PRKCH: variants seen among roughly 807,000 people sequenced by gnomAD.
The protein encoded by PRKCH is protein kinase C eta type.
A neutral mutation model predicts 82.5 loss-of-function variants in PRKCH; 28 were observed. The observed-to-expected ratio is 0.34, with a 90% confidence interval of 0.25 to 0.47. The LOEUF (loss-of-function observed/expected upper bound fraction) is 0.47, where lower values mean the gene tolerates loss of function less well. Among genes scored for constraint, PRKCH ranks in the 20% least tolerant of loss-of-function variants. The pLI, the probability that PRKCH is intolerant of heterozygous loss-of-function variation, is 1.00. For synonymous variants in PRKCH, 322 were observed against 327.4 expected, an observed-to-expected ratio of 0.98 and a Z score of 0.18; for missense variants, 705 against 881.8, an observed-to-expected ratio of 0.80 and a Z score of 2.54.
At chr14:61,253,443 G>A (rs1200438600) in intron 1 of PRKCH, among the ~76,000 whole-genome samples, 3 of 149,838 alleles carry the variant, frequency 2.0e-5, no homozygotes, top group African/African-American at 7.4e-5. Flanking sequence ...AGCATTCAAA[G>A]AAAACTTGGC....
In PRKCH at chr14:61,403,735, G is replaced by A. The variant is rs1486238281; in HGVS notation, c.427+12447G>A. 4.6e-5 allele frequency among the ~76,000 whole-genome samples: 7 copies of A among 152,282 alleles called. No homozygotes were observed. In the East Asian group the frequency reaches 1.2e-3, roughly 25 times the overall value. On this transcript the variant is annotated intron_variant, in intron 2 of 13. Coordinates refer to ENST00000332981, the MANE Select transcript of PRKCH (RefSeq NM_006255.5). ...AAGATCCATGGACAGAGCCTCAGGA[G>A]ACACATTTCTATGGCACTCGCTTAC...
intron 12 of PRKCH, chr14:61,543,777 A>G (rs1212221146): frequency 6.6e-6 from 1 of 152,224 alleles, no homozygotes; most frequent in Admixed American, 6.5e-5. Flanking sequence ...GTTTTCTGCA[A>G]AAGGATTATG....
chr14:61,231,674 A>G (rs568227939), intron 1 of PRKCH, among the ~76,000 whole-genome samples: 29 of 152,040 alleles, frequency 1.9e-4, no homozygotes, highest in Non-Finnish European at 3.8e-4. Context: ...GGCCGGCTGA[A>G]TCTTTATTTT....
upstream of PRKCH, among the ~76,000 whole-genome samples, chr14:61,318,179 T>C (rs1484343675): frequency 6.6e-6 from 1 of 151,930 alleles, no homozygotes; most frequent in Non-Finnish European, 1.5e-5. Context: ...GCTCAAGTGA[T>C]CCTCCTGCCT....
At chr14:61,465,292 A>G (rs1295055200) in intron 9 of PRKCH, among the ~76,000 whole-genome samples, 2 of 152,198 alleles carry the variant, frequency 1.3e-5, no homozygotes, top group East Asian at 1.9e-4. Flanking sequence ...TTAAAAAGCC[A>G]TTGCCTATGC....
chr14:61,453,174 T>G (rs1884591807), intron 6 of PRKCH, 52 bp from the exon 7 acceptor site: 5 of 1,607,394 alleles, frequency 3.1e-6, no homozygotes, highest in South Asian at 2.2e-5. Context: ...TTGCAGCACA[T>G]GTTGAATTGG....
chr14:61,426,850 T>C (rs906829794), intron 2 of PRKCH, among the ~76,000 whole-genome samples: 1 of 152,230 alleles, frequency 6.6e-6, no homozygotes, highest in Non-Finnish European at 1.5e-5. Flanking sequence ...TCTCATAATT[T>C]ACTGCTTCAG....
At chr14:61,385,777 C>T (rs2046578624) in intron 1 of PRKCH, among the ~76,000 whole-genome samples, 1 of 152,164 alleles carries the variant, frequency 6.6e-6, no homozygotes, top group Non-Finnish European at 1.5e-5. Flanking sequence ...ATTTGTTCCA[C>T]AAACCATTTT....
chr14:61,414,870 C>T (rs1882473231), intron 2 of PRKCH, among the ~76,000 whole-genome samples: 1 of 152,206 alleles, frequency 6.6e-6, no homozygotes, highest in Non-Finnish European at 1.5e-5. Context: ...CATTCCCCCT[C>T]TGCCAAGCAC....
chr14:61,417,711 A>G (rs926151162), intron 2 of PRKCH, among the ~76,000 whole-genome samples: 1 of 152,198 alleles, frequency 6.6e-6, no homozygotes, highest in African/African-American at 2.4e-5. Flanking sequence ...AGTCTTAGAC[A>G]CACAGCTTGG....
chr14:61,232,933 A>AT (rs2044756250), intron 1 of PRKCH, among the ~76,000 whole-genome samples: 2 of 152,176 alleles, frequency 1.3e-5, no homozygotes, highest in Admixed American at 6.5e-5. Flanking sequence ...AATTCCAAGG[A>AT]TTTTAAAAGT....
chr14:61,421,839 C>G (rs990808465), intron 2 of PRKCH, among the ~76,000 whole-genome samples: 1 of 152,148 alleles, frequency 6.6e-6, no homozygotes, highest in East Asian at 1.9e-4. Context: ...GTAAGGAGGG[C>G]ACCAAGCCTT....
At chr14:61,379,543 A>G (rs1027830751) in intron 1 of PRKCH, among the ~76,000 whole-genome samples, 1 of 152,160 alleles carries the variant, frequency 6.6e-6, no homozygotes, top group Non-Finnish European at 1.5e-5. Context: ...TTCCTCCATT[A>G]CAATGGATGA....
At chr14:61,237,491 C>G (rs1486270060) in intron 1 of PRKCH, among the ~76,000 whole-genome samples, 2 of 152,148 alleles carry the variant, frequency 1.3e-5, no homozygotes, top group African/African-American at 4.8e-5. Context: ...CTTTTTAAGT[C>G]TGACAAGAAA....
Position 61,443,261 on chromosome 14 carries a change from GGT to G in PRKCH, c.578+1_578+2del. On this transcript the variant is annotated splice_donor_variant, in intron 3 of 13. Transcript: ENST00000332981. LOFTEE classifies it high-confidence loss of function. ...TGCTCTCACTGCAGGGAGTTTATCT[GGT>G]AAGGGGTTCCCTTACTTCTGTCCTC... The G allele has an allele frequency of 1.9e-6, 3 of 1,613,144 alleles. No individual in the cohort carries two copies. The highest frequency in any genetic ancestry group is 2.5e-6 in the Non-Finnish European group (3 of 1,179,484).
chr14:61,503,659 A>T (rs1037027463), intron 10 of PRKCH, among the ~76,000 whole-genome samples: 1 of 152,172 alleles, frequency 6.6e-6, no homozygotes, highest in Non-Finnish European at 1.5e-5. Context: ...TGAAGTTTTT[A>T]TGTCCAGGAA....
At chr14:61,271,215 C>T (rs1298669828) in intron 1 of PRKCH, among the ~76,000 whole-genome samples, 1 of 152,204 alleles carries the variant, frequency 6.6e-6, no homozygotes, top group Non-Finnish European at 1.5e-5. Flanking sequence ...CACCCCCTCT[C>T]TCCCAGGGAT....
chr14:61,214,186 C>T (rs1037677643), intron 1 of PRKCH, among the ~76,000 whole-genome samples: 13 of 152,256 alleles, frequency 8.5e-5, no homozygotes, highest in Admixed American at 3.3e-4. Context: ...GTTTAACCAT[C>T]GTATTTCTCA....
At chr14:61,286,052 C>G (rs1056771895) in intron 1 of PRKCH, among the ~76,000 whole-genome samples, 1 of 152,250 alleles carries the variant, frequency 6.6e-6, no homozygotes, top group Admixed American at 6.5e-5. Flanking sequence ...ATAAAAATAA[C>G]TTCACTTGTC....
Sources: gnomAD v4.1 joint callset for allele counts (sites outside exome capture counted in the v4.1 genomes callset) on GRCh38, gnomAD v4.1.1 for gene constraint, MANE v1.5 for transcripts, NCBI Gene and HGNC (gene_info 2026-07-23, HGNC 2026-07-21) for gene names.